Variants in UNC5C observed in about 807,000 individuals in gnomAD.
The protein encoded by UNC5C is netrin receptor UNC5C.
UNC5C carries 47 observed loss-of-function variants against 99.8 expected under a neutral mutation model. The ratio of observed to expected loss-of-function variants is 0.47; its 90% CI spans 0.37 to 0.60. The LOEUF is 0.60. Among genes scored for constraint, UNC5C ranks in the 20% least tolerant of loss-of-function variants. The pLI, the probability that UNC5C is intolerant of heterozygous loss-of-function variation, is 0.00. For synonymous variants in UNC5C, 487 were observed against 452.2 expected (o/e 1.08, Z -0.98); for missense variants, 1,062 against 1,165.9 (o/e 0.91, Z 1.30).
intron 3 of UNC5C, among the ~76,000 whole-genome samples, chr4:95,296,507 C>T (rs1342166673): frequency 2.0e-5 from 3 of 152,216 alleles, no homozygotes; most frequent in East Asian, 3.9e-4. Context: ...AATATATCTA[C>T]TCAAACACAT....
At chr4:95,384,759 A>AG (rs1745164619) in intron 1 of UNC5C, among the ~76,000 whole-genome samples, 2 of 152,146 alleles carry the variant, frequency 1.3e-5, no homozygotes, top group South Asian at 4.1e-4. Context: ...GTGAGTAGGC[A>AG]GGGGGATATT....
At chr4:95,458,168 T>A (rs1747498709) in intron 1 of UNC5C, among the ~76,000 whole-genome samples, 1 of 152,118 alleles carries the variant, frequency 6.6e-6, no homozygotes, top group African/African-American at 2.4e-5. Context: ...AGGGCCAGAA[T>A]ATTTTTAGGC....
rs1048542706 is a variant in UNC5C at position 95,168,973 on chromosome 4, A to G, written c.*261T>C. On this transcript the variant is annotated 3_prime_UTR_variant, in exon 16 of 16. Transcript: ENST00000453304. ...TAAGATCCTGTACCACACAGCATACAGCCCAACTAAGAGGAAAATTAGGTT... is the reference window on the plus strand; with the variant it reads ...TAAGATCCTGTACCACACAGCATACGGCCCAACTAAGAGGAAAATTAGGTT... The G allele has an allele frequency of 6.6e-6, 3 of 456,704 alleles. No homozygotes were observed. The highest frequency in any genetic ancestry group is 1.2e-5 in the Non-Finnish European group (3 of 252,392). 28.3% of individuals were successfully genotyped at this position (456,704 alleles called of 1,614,324 possible). A position where few individuals can be genotyped will look rare whatever the true frequency, so the allele number is the denominator to read the frequency against.
intron 15 of UNC5C, 69 bp from the exon 16 acceptor site, chr4:95,169,468 T>C: frequency 1.9e-6 from 3 of 1,540,462 alleles, no homozygotes; most frequent in Non-Finnish European, 2.7e-6. Flanking sequence ...CAGCTAAACC[T>C]TTCTGTCTCT....
chr4:95,186,082 A>C (rs537006260), intron 12 of UNC5C, among the ~76,000 whole-genome samples: 1 of 152,308 alleles, frequency 6.6e-6, no homozygotes, highest in African/African-American at 2.4e-5. Context: ...ACAGCAGCAA[A>C]CCATTAGTTA....
chr4:95,528,998 C>T (rs1001947357), intron 1 of UNC5C, among the ~76,000 whole-genome samples: 2 of 151,982 alleles, frequency 1.3e-5, no homozygotes, highest in African/African-American at 4.8e-5. Context: ...ACATTTATCT[C>T]TCCTTTAATC....
rs540040773 is a variant in UNC5C at position 95,309,379 on chromosome 4, T to C, written c.347-7630A>G. On this transcript the variant is annotated intron_variant, in intron 2 of 15. Coordinates refer to ENST00000453304, the MANE Select transcript of UNC5C (RefSeq NM_003728.4). ...TCCTTGACATTAGTTTGGGCAATGA[T>C]TTTTTTAATATGACCCCAAAAACAC... Among the ~76,000 whole-genome samples the C allele has an allele frequency of 3.3e-5, 5 of 152,148 alleles. No individual in the cohort carries two copies. The South Asian group carries it at 8.3e-4, about 25-fold the overall frequency.
chr4:95,223,299 T>C (rs1738546544), intron 7 of UNC5C, among the ~76,000 whole-genome samples: 1 of 152,206 alleles, frequency 6.6e-6, no homozygotes, highest in Non-Finnish European at 1.5e-5. Flanking sequence ...TTTGGATTAA[T>C]AAAATGAAGA....
chr4:95,205,401 T>G (rs542073287), intron 11 of UNC5C, among the ~76,000 whole-genome samples: 1 of 152,268 alleles, frequency 6.6e-6, no homozygotes, highest in South Asian at 2.1e-4. Flanking sequence ...TATTTATTTA[T>G]TATGTACGCT....
At chr4:95,381,508 A>G (rs1745071067) in intron 1 of UNC5C, among the ~76,000 whole-genome samples, 1 of 152,152 alleles carries the variant, frequency 6.6e-6, no homozygotes, top group African/African-American at 2.4e-5. Context: ...AAGAAGAACT[A>G]CCAGTCCTCC....
intron 4 of UNC5C, among the ~76,000 whole-genome samples, chr4:95,264,095 G>T (rs1472972480): frequency 6.6e-6 from 1 of 152,122 alleles, no homozygotes; most frequent in Non-Finnish European, 1.5e-5. Flanking sequence ...TTCTTTCTCA[G>T]GCAATATGCT....
intron 2 of UNC5C, among the ~76,000 whole-genome samples, chr4:95,321,301 C>A (rs559802881): frequency 1.1e-4 from 16 of 152,132 alleles, no homozygotes; most frequent in Non-Finnish European, 5.9e-5. Context: ...TTCATGACAA[C>A]AATAGATTAG....
intron 1 of UNC5C, among the ~76,000 whole-genome samples, chr4:95,418,260 A>AT (rs778513874): frequency 6.6e-6 from 1 of 152,148 alleles, no homozygotes; most frequent in Non-Finnish European, 1.5e-5. Context: ...AAGCAATTGC[A>AT]TTTTTCTTTG....
rs189125491 is a variant in UNC5C, at chr4:95,281,984, T to C, written c.491-3622A>G. 2.9e-3 allele frequency among the ~76,000 whole-genome samples: 438 copies of C among 152,228 alleles called. 3 individuals are homozygous for C. The highest frequency in any genetic ancestry group is 3.7e-3 in the Non-Finnish European group (254 of 68,010). ...ATAAGTGCCTTCAGACAATGCCAAA[T>C]GTCCCCTAAGGGGAAAAGTCACCCC... On this transcript the variant is annotated intron_variant, in intron 3 of 15. Coordinates refer to ENST00000453304, the MANE Select transcript of UNC5C (RefSeq NM_003728.4).
chr4:95,504,292 A>T (rs1052614681), intron 1 of UNC5C, among the ~76,000 whole-genome samples: 4 of 152,062 alleles, frequency 2.6e-5, no homozygotes, highest in African/African-American at 9.7e-5. Flanking sequence ...TCCCCTCTGA[A>T]CAAGCTTACC....
intron 4 of UNC5C, among the ~76,000 whole-genome samples, chr4:95,276,481 A>C (rs1451991174): frequency 1.3e-5 from 2 of 152,048 alleles, no homozygotes; most frequent in Non-Finnish European, 2.9e-5. Context: ...AAAATGAAGA[A>C]ATTACTAAGA....
intron 12 of UNC5C, among the ~76,000 whole-genome samples, chr4:95,193,759 C>T (rs1172040583): frequency 6.6e-6 from 1 of 152,172 alleles, no homozygotes; most frequent in African/African-American, 2.4e-5. Context: ...GCCAGCTTTT[C>T]GGCGACGCTG....
chr4:95,341,468 AAAG>A (rs1743574632), intron 1 of UNC5C, among the ~76,000 whole-genome samples: 1 of 150,106 alleles, frequency 6.7e-6, no homozygotes, highest in Admixed American at 6.7e-5. Flanking sequence ...AGAGAGAAAG[AAAG>A]AAGAAAGAGA....
chr4:95,268,930 C>A (rs1740553427), intron 4 of UNC5C, among the ~76,000 whole-genome samples: 1 of 152,146 alleles, frequency 6.6e-6, no homozygotes, highest in Non-Finnish European at 1.5e-5. Flanking sequence ...ATTAATCAAA[C>A]AAATGGGAAA....
Sources: gnomAD v4.1 joint callset for allele counts (sites outside exome capture counted in the v4.1 genomes callset) on GRCh38, gnomAD v4.1.1 for gene constraint, MANE v1.5 for transcripts, NCBI Gene and HGNC (gene_info 2026-07-23, HGNC 2026-07-21) for gene names.